The following ATAD5 variants were observed in gnomAD, a reference collection of about 807,000 sequenced individuals.
ATAD5 encodes the protein ATPase family AAA domain-containing protein 5.
ATAD5 carries 58 observed loss-of-function variants against 176.9 expected under a neutral mutation model. That is an observed-to-expected ratio of 0.33 (90% confidence interval 0.27 to 0.41). ATAD5 has a LOEUF of 0.41. Among genes scored for constraint, ATAD5 ranks in the 10% least tolerant of loss-of-function variants. The pLI, the probability that ATAD5 is intolerant of heterozygous loss-of-function variation, is 1.00. For synonymous variants in ATAD5, 640 were observed against 712.6 expected (o/e 0.90, Z 1.62); for missense variants, 1,789 against 2,094.1 (o/e 0.85, Z 2.84).
chr17:30,868,545 T>C (rs1470061904), intron 12 of ATAD5, 133 bp downstream of exon 12: 1 of 564,624 alleles, frequency 1.8e-6, no homozygotes, highest in African/African-American at 2.0e-5. Flanking sequence ...TCTTGCTCTG[T>C]TTCCCATAGT....
chr17:30,838,748 T>C (rs1048521461), intron 3 of ATAD5, among the ~76,000 whole-genome samples: 1 of 152,242 alleles, frequency 6.6e-6, no homozygotes, highest in African/African-American at 2.4e-5. Flanking sequence ...CATGTACTAC[T>C]TAAAATTGGG....
intron 6 of ATAD5, among the ~76,000 whole-genome samples, chr17:30,853,451 C>T (rs867898746): frequency 7.9e-5 from 12 of 151,824 alleles, no homozygotes; most frequent in African/African-American, 1.9e-4. Context: ...TTCCTCCTTC[C>T]CGCCAATTAA....
chr17:30,832,483 C>A, intron 1 of ATAD5, 70 bp downstream of exon 1: 1 of 1,389,638 alleles, frequency 7.2e-7, no homozygotes, highest in South Asian at 1.7e-5. Context: ...TGGGTCTTGG[C>A]GGAAGGTGAT....
At chr17:30,890,831 AG>A (rs2142453118) in intron 19 of ATAD5, among the ~76,000 whole-genome samples, 1 of 152,226 alleles carries the variant, frequency 6.6e-6, no homozygotes, top group African/African-American at 2.4e-5. Flanking sequence ...AAGTAGCCAC[AG>A]TTAGACCTTT....
At chr17:30,851,469 C>G (rs1230298462) in intron 6 of ATAD5, among the ~76,000 whole-genome samples, 1 of 148,812 alleles carries the variant, frequency 6.7e-6, no homozygotes, top group Non-Finnish European at 1.5e-5. Context: ...GCACTCCAGC[C>G]TGGGCAACAG....
chr17:30,861,369 CT>C (rs991030134), intron 10 of ATAD5, among the ~76,000 whole-genome samples: 43 of 148,316 alleles, frequency 2.9e-4, no homozygotes, highest in African/African-American at 7.6e-4. Context: ...CCTTCTCTCT[CT>C]TTTTTTTTTC....
Position 30,867,133 on chromosome 17 carries a change from C to T in ATAD5, c.3234-1200C>T, listed in dbSNP as rs559280781. ...GTACTGTGAGCAGTGGGTACAGTGG[C>T]TCAAGCCTGTAATCCCAGTGCTTTC... is the stretch of plus-strand genomic sequence containing the variant. On this transcript the variant is annotated intron_variant, in intron 11 of 22. Transcript: ENST00000321990. Among the ~76,000 whole-genome samples the T allele has an allele frequency of 2.0e-5, 3 of 148,764 alleles. No homozygotes were observed. In the Admixed American group the frequency reaches 2.0e-4, roughly 10 times the overall value.
chr17:30,836,003 C>T lies in ATAD5; in HGVS notation c.1922C>T (p.Thr641Ile). 6.2e-7 allele frequency: 1 copy of T among 1,611,704 alleles called. No individual in the cohort carries two copies. Among genetic ancestry groups the T allele is most frequent in the Non-Finnish European group, 8.5e-7 (1 of 1,179,404 alleles). The stretch of plus-strand genomic sequence containing the variant: ...TTATCGGAAAAGCACAGCTTATATA[C>T]AGCAGAATTAATAACAGTACCCTTT... ...ANLSEKHSLY[T>I]AELITVPFDS... The change falls in exon 2 of 23, where the codon ACA (threonine) becomes ATA (isoleucine). Residue 641 changes from threonine (T) to isoleucine (I), a missense_variant. By Grantham distance (89) the Thr-to-Ile change is moderately conservative (BLOSUM62 -1). Transcript: ENST00000321990.
intron 8 of ATAD5, among the ~76,000 whole-genome samples, chr17:30,857,762 T>C (rs907931145): frequency 7.3e-5 from 11 of 150,206 alleles, no homozygotes; most frequent in Non-Finnish European, 3.0e-5. Context: ...TTTTTTTGAG[T>C]TGGAGTCTCA....
intron 4 of ATAD5, 75 bp from the exon 5 acceptor site, chr17:30,843,838 A>C: frequency 1.1e-6 from 1 of 873,694 alleles, no homozygotes; most frequent in Non-Finnish European, 1.6e-6. Flanking sequence ...GGTTTCTATC[A>C]CTGTGATTCT....
chr17:30,833,133 G>A (rs1233572460), intron 1 of ATAD5, among the ~76,000 whole-genome samples: 1 of 152,106 alleles, frequency 6.6e-6, no homozygotes, highest in Non-Finnish European at 1.5e-5. Context: ...ATTTAACTGC[G>A]ACCAGTTGTT....
At chr17:30,865,213 C>T (rs534419676) in intron 10 of ATAD5, among the ~76,000 whole-genome samples, 1 of 150,572 alleles carries the variant, frequency 6.6e-6, no homozygotes, top group East Asian at 1.9e-4. Flanking sequence ...CGCTCTGTCG[C>T]CCAGGCTAGA....
chr17:30,880,635 T>C (rs114184837), intron 18 of ATAD5, among the ~76,000 whole-genome samples: 4,005 of 151,718 alleles, frequency 0.026, 195 homozygotes, highest in African/African-American at 0.092. Flanking sequence ...AAAAAAGAGC[T>C]ATAATTTAAA....
Position 30,893,880 on chromosome 17 carries a change from A to T in ATAD5, c.5027A>T (p.Asp1676Val). The part of the protein sequence containing the change: ...VREQNKYGRN[D>V]FSWTNGKVTS... Reference sequence around the variant, plus strand: ...GAACAAAACAAATACGGTAGAAATGACTTTAGTTGGACAAATGGAAAGGTT... The same window carrying T: ...GAACAAAACAAATACGGTAGAAATGTCTTTAGTTGGACAAATGGAAAGGTT... The change falls in exon 21 of 23, where the codon GAC becomes GTC. Residue 1676 changes from aspartate (D) to valine (V), a missense_variant. Physicochemically the swap from Asp to Val is radical, Grantham distance 152. Transcript: ENST00000321990. 6.2e-7 allele frequency: 1 copy of T among 1,614,022 alleles called. No individual in the cohort carries two copies. Among genetic ancestry groups the T allele is most frequent in the Non-Finnish European group, 8.5e-7 (1 of 1,179,908 alleles).
chr17:30,852,448 T>G (rs1230410019), intron 6 of ATAD5, among the ~76,000 whole-genome samples: 1 of 152,236 alleles, frequency 6.6e-6, no homozygotes, highest in Non-Finnish European at 1.5e-5. Context: ...AGGTCTAGCA[T>G]TAAATTCATT....
rs780248044 is a variant in ATAD5, at chr17:30,832,343, G to A, written c.-5G>A. 3 of 1,550,422 alleles carry A rather than the reference G, an allele frequency of 1.9e-6. No homozygotes were observed. Among genetic ancestry groups the A allele is most frequent in the South Asian group, 1.2e-5 (1 of 82,640 alleles). ...TAGGAGACGGGATTCCGGGAAGCGG[G>A]GAGTATGGTGGGGGTCCTGGCCATG... On this transcript the variant is annotated 5_prime_UTR_variant, in exon 1 of 23. Coordinates refer to ENST00000321990, the MANE Select transcript of ATAD5 (RefSeq NM_024857.5).
intron 4 of ATAD5, 150 bp downstream of exon 4, chr17:30,840,931 C>T: frequency 1.3e-6 from 1 of 767,804 alleles, no homozygotes; most frequent in South Asian, 2.3e-5. Context: ...CTTTAAAAGC[C>T]TTCTGCTTTT....
At chr17:30,867,774 G>A (rs941294425) in intron 11 of ATAD5, among the ~76,000 whole-genome samples, 1 of 151,972 alleles carries the variant, frequency 6.6e-6, no homozygotes, top group African/African-American at 2.4e-5. Context: ...AACATGCCTG[G>A]CTAATGTTTT....
At position 30,844,034 on chromosome 17, in the gene ATAD5, T is replaced by C. The variant is rs774273801; in HGVS notation, c.2363T>C (p.Val788Ala). 2.6e-6 allele frequency: 4 copies of C among 1,540,342 alleles called. No homozygotes were observed. Among genetic ancestry groups the C allele is most frequent in the African/African-American group, 1.4e-5 (1 of 71,650 alleles). Residue 788 changes from valine (V) to alanine (A), a missense_variant, in exon 5 of 23, where the codon GTA becomes GCA. Val to Ala is a moderately conservative substitution (Grantham distance 64). Coordinates refer to ENST00000321990, the MANE Select transcript of ATAD5 (RefSeq NM_024857.5). ...AAACTTAACACATCCACTAAAAATG[T>C]ACCTGGTAATCAGAGTTAATAATAT... Reference protein sequence around the residue: ...GKKLNTSTKNVPGKMKVAPLF... With the variant: ...GKKLNTSTKNAPGKMKVAPLF...
Sources: allele counts gnomAD v4.1 joint callset (sites outside exome capture counted in the v4.1 genomes callset), GRCh38; gene constraint gnomAD v4.1.1; transcripts MANE v1.5; gene names NCBI Gene and HGNC (gene_info 2026-07-23, HGNC 2026-07-21).